Variants in GRIN3B observed in about 807,000 individuals in gnomAD.
GRIN3B encodes glutamate ionotropic receptor NMDA type subunit 3B.
In GRIN3B, 77 loss-of-function variants were observed where a neutral mutation model predicts 66.0. That is an observed-to-expected ratio of 1.17 (90% CI 0.97 to 1.41). The LOEUF is 1.41. Among genes scored for constraint, GRIN3B ranks in the 40% most tolerant of loss-of-function variants. The probability of loss-of-function intolerance (pLI) is 0.00; values close to 1 mark genes in which losing one functional copy is unlikely to be tolerated. For synonymous variants in GRIN3B, 823 were observed against 749.7 expected (o/e 1.10, Z -1.60); for missense variants, 1,787 against 1,564.5 (o/e 1.14, Z -2.40).
Position 1,003,647 on chromosome 19 carries a change from C to A in GRIN3B, c.944C>A (p.Ala315Asp). ...GCGGCCCAGGTGCAGCCGAAGCGAG[C>A]CCTCCTCCCCGCCCCGGTCAACTGC... The part of the protein sequence containing the change: ...GSAAQVQPKR[A>D]LLPAPVNCGD... The change falls in exon 2 of 9, where the codon GCC becomes GAC. Residue 315 changes from alanine to aspartate, a missense_variant. Transcript: ENST00000234389. 7.1e-7 allele frequency: 1 copy of A among 1,417,912 alleles called. No homozygotes were observed. The allele number at this position is 1,417,912 out of a possible 1,614,324, so 87.8% of individuals were successfully genotyped here.
In GRIN3B at chr19:1,004,732, G is replaced by A. The variant is rs1345522135; in HGVS notation, c.1231G>A (p.Ala411Thr). The change falls in exon 3 of 9, where the codon GCC (alanine) becomes ACC (threonine). Residue 411 changes from alanine to threonine, a missense_variant. By Grantham distance (58) the Ala-to-Thr change is moderately conservative. Transcript: ENST00000234389. ...TGCACGGCCCCCGCCCCCACAGGGT[G>A]CCCAGGTCTGGCCCAAGCTGCGTGT... is the stretch of plus-strand genomic sequence containing the variant. The part of the protein sequence containing the change: ...ASARPPPPQG[A>T]QVWPKLRVVT... 5.0e-6 allele frequency: 8 copies of A among 1,607,562 alleles called. No individual in the cohort carries two copies. Among genetic ancestry groups the A allele is most frequent in the South Asian group, 2.2e-5 (2 of 90,736 alleles).
intron 6 of GRIN3B, 124 bp from the exon 7 acceptor site, chr19:1,008,494 C>T (rs2038787479): frequency 8.3e-7 from 1 of 1,209,788 alleles, no homozygotes; most frequent in Non-Finnish European, 1.1e-6. Context: ...GAGTCCCTGC[C>T]TCCCAACCTG....
chr19:1,009,190 A>T lies in GRIN3B; in HGVS notation c.2720A>T (p.Gln907Leu). The change falls in exon 9 of 9, where the codon CAG becomes CTG. Residue 907 changes from glutamine (Q) to leucine (L), a missense_variant. Gln to Leu is a moderately radical substitution (Grantham distance 113). Coordinates refer to ENST00000234389, the MANE Select transcript of GRIN3B (RefSeq NM_138690.3). ...GTCCCCAGCGGCCCCGAGGTGGAGC[A>T]GCAGCAGCAGCAGCAGGACCAGCCA... Reference protein sequence around the residue: ...EAEPSGPEVEQQQQQQDQPTA... With the variant: ...EAEPSGPEVELQQQQQDQPTA... 1 of 1,404,896 alleles carries T rather than the reference A, an allele frequency of 7.1e-7. No homozygotes were observed. Among genetic ancestry groups the T allele is most frequent in the Non-Finnish European group, 9.3e-7 (1 of 1,078,904 alleles). 87.0% of individuals were successfully genotyped at this position (1,404,896 alleles called of 1,614,324 possible). A position where few individuals can be genotyped will look rare whatever the true frequency, so the allele number is the denominator to read the frequency against.
chr19:1,006,378 C>CAACA (rs2038749117), intron 3 of GRIN3B, among the ~76,000 whole-genome samples: 1 of 152,058 alleles, frequency 6.6e-6, no homozygotes, highest in Admixed American at 6.5e-5. Context: ...AACCCCTGAC[C>CAACA]TCGTGATCCG....
rs769335041 is a variant in GRIN3B at position 1,005,249 on chromosome 19, C to T, written c.1748C>T (p.Ala583Val). Residue 583 changes from alanine (A) to valine (V), a missense_variant, in exon 3 of 9, where the codon GCG becomes GTG. Physicochemically the swap from Ala to Val is moderately conservative, Grantham distance 64. Coordinates refer to ENST00000234389, the MANE Select transcript of GRIN3B (RefSeq NM_138690.3). This position sits in a 1 kb window ranked among gnomAD's most constrained non-coding sequence, Gnocchi z 5.2. ...LHWSTWLGVFAALHLTALFLT... is the reference protein window; with the variant it reads ...LHWSTWLGVFVALHLTALFLT... ...TGGTCCACGTGGCTGGGCGTCTTTG[C>T]GGCCCTGCACCTCACCGCGCTCTTC... The T allele has an allele frequency of 6.1e-5, 99 of 1,613,310 alleles. 1 individual carries two copies. The South Asian group carries it at 6.5e-4, about 11-fold the overall frequency.
chr19:1,000,869 C>A lies in GRIN3B; in HGVS notation c.426+6C>A. On this transcript the variant is annotated splice_donor_region_variant and intron_variant, in intron 1 of 8. Transcript: ENST00000234389. The stretch of plus-strand genomic sequence containing the variant: ...GCGCGCCCCTCGGAGCCCCGGTACG[C>A]GGGACGCCCGGAGTCAGGACGAGGG... 1 of 1,400,810 alleles carries A rather than the reference C, an allele frequency of 7.1e-7. No homozygotes were observed. The highest frequency in any genetic ancestry group is 1.5e-5 in the South Asian group (1 of 67,064). 86.8% of individuals were successfully genotyped at this position (1,400,810 alleles called of 1,614,324 possible). A position where few individuals can be genotyped will look rare whatever the true frequency, so the allele number is the denominator to read the frequency against.
Position 1,009,360 on chromosome 19 carries a change from T to A in GRIN3B, c.2890T>A (p.Cys964Ser), listed in dbSNP as rs1200102459. ...AAPREGPVWL[C>S]SYGRPPAARP... ...GCCGCGAGAGGGCCCCGTCTGGCTGTGCTCCTACGGCCGCCCGCCCGCCGC... is the reference window on the plus strand; with the variant it reads ...GCCGCGAGAGGGCCCCGTCTGGCTGAGCTCCTACGGCCGCCCGCCCGCCGC... The change falls in exon 9 of 9, where the codon TGC (cysteine) becomes AGC (serine). Residue 964 changes from cysteine to serine, a missense_variant. Transcript: ENST00000234389. 1 of 1,383,360 alleles carries A rather than the reference T, an allele frequency of 7.2e-7. No individual in the cohort carries two copies. The highest frequency in any genetic ancestry group is 9.3e-7 in the Non-Finnish European group (1 of 1,077,750). The allele number at this position is 1,383,360 out of a possible 1,614,324, so 85.7% of individuals were successfully genotyped here. A position where few individuals can be genotyped will look rare whatever the true frequency, so the allele number is the denominator to read the frequency against.
In GRIN3B at chr19:1,007,595, C is replaced by T; in HGVS notation, c.2053-33C>T. 1 of 1,456,072 alleles carries T rather than the reference C, an allele frequency of 6.9e-7. No homozygotes were observed. The allele number at this position is 1,456,072 out of a possible 1,614,324, so 90.2% of individuals were successfully genotyped here. ...CTCAATGGTCAGGGGTCCTGAGGGGCAGGCAGAGGCGCTGACGGGGTCCCC... is the reference window on the plus strand; with the variant it reads ...CTCAATGGTCAGGGGTCCTGAGGGGTAGGCAGAGGCGCTGACGGGGTCCCC... On this transcript the variant is annotated intron_variant, in intron 3 of 8. Transcript: ENST00000234389. The surrounding 1 kb of genome is among the most constrained non-coding windows in gnomAD (Gnocchi z 4.4).
rs1389512705 is a variant in GRIN3B at position 1,000,940 on chromosome 19, G to A, written c.426+77G>A. ...GTCGGGAGCCCTGGGGACGTCCGGA[G>A]TCAGGATGGGGGTGCCGGGACTACG... On this transcript the variant is annotated intron_variant, in intron 1 of 8. Transcript: ENST00000234389. 2.3e-6 allele frequency: 3 copies of A among 1,303,828 alleles called. No homozygotes were observed. In the African/African-American group the frequency reaches 4.7e-5, roughly 20 times the overall value. 80.8% of individuals were successfully genotyped at this position (1,303,828 alleles called of 1,614,324 possible).
In GRIN3B at chr19:1,000,749, C is replaced by T; in HGVS notation, c.312C>T (p.Leu104=). The change falls in exon 1 of 9, where the codon CTC becomes CTT. Residue 104 remains leucine, a synonymous_variant. Coordinates refer to ENST00000234389, the MANE Select transcript of GRIN3B (RefSeq NM_138690.3). Reference sequence around the variant, plus strand: ...TGCCTCCGGGCGTGGCGGCCCTGCTCGCCTTTCCCGAGGCTCGGCCCGAGC... The same window carrying T: ...TGCCTCCGGGCGTGGCGGCCCTGCTTGCCTTTCCCGAGGCTCGGCCCGAGC... The part of the protein sequence containing the change: ...ALVPPGVAAL[L]AFPEARPELL... 6.9e-7 allele frequency: 1 copy of T among 1,445,672 alleles called. No individual in the cohort carries two copies. The highest frequency in any genetic ancestry group is 3.0e-5 in the East Asian group (1 of 32,804). The allele number at this position is 1,445,672 out of a possible 1,614,324, so 89.6% of individuals were successfully genotyped here. A position where few individuals can be genotyped will look rare whatever the true frequency, so the allele number is the denominator to read the frequency against.
In GRIN3B at chr19:1,008,802, C is replaced by T. The variant is rs779976715; in HGVS notation, c.2631+20C>T. 6.3e-7 allele frequency: 1 copy of T among 1,586,012 alleles called. No homozygotes were observed. On this transcript the variant is annotated intron_variant, in intron 7 of 8. Coordinates refer to ENST00000234389, the MANE Select transcript of GRIN3B (RefSeq NM_138690.3). ...AGCCAGGTGGGGAGCGGGTGGGCGG[C>T]GGGCGGCCCCACCCCCCCCGCCTCC... is the stretch of plus-strand genomic sequence containing the variant.
chr19:1,008,989 C>T (rs2038801666), intron 8 of GRIN3B, 62 bp downstream of exon 8: 10 of 1,540,972 alleles, frequency 6.5e-6, no homozygotes, highest in Non-Finnish European at 7.9e-6. Context: ...CCCACCAGCT[C>T]GCCCCGAAGC....
chr19:1,001,431 C>T (rs1296948642), intron 1 of GRIN3B, among the ~76,000 whole-genome samples: 2 of 151,732 alleles, frequency 1.3e-5, no homozygotes, highest in Non-Finnish European at 1.5e-5. Context: ...TCCATTCCCA[C>T]CCCCCAACCC....
At position 1,004,499 on chromosome 19, in the gene GRIN3B, AC is replaced by A. The variant is rs752299560; in HGVS notation, c.1020-14del. On this transcript the variant is annotated intron_variant, in intron 2 of 8. Coordinates refer to ENST00000234389, the MANE Select transcript of GRIN3B (RefSeq NM_138690.3). ...AGGGGTGTGAACTTCGACACCTGAC[AC>A]CCCCCCCGCCCTGCCCCTAGGTTCC... 949 of 1,521,852 alleles carry A rather than the reference AC, an allele frequency of 6.2e-4. 1 individual carries two copies. The highest frequency in any genetic ancestry group is 1.2e-3 in the East Asian group (50 of 40,216). The allele number at this position is 1,521,852 out of a possible 1,614,324, so 94.3% of individuals were successfully genotyped here.
At position 1,007,056 on chromosome 19, in the gene GRIN3B, C is replaced by G. The variant is rs1284869343; in HGVS notation, c.2053-572C>G. Among the ~76,000 whole-genome samples the G allele has an allele frequency of 6.6e-6, 1 of 152,092 alleles. No homozygotes were observed. The highest frequency in any genetic ancestry group is 2.4e-5 in the African/African-American group (1 of 41,406). ...ACCCCGCAGAGGGGCCTGGGCTGGT[C>G]GAGGATGTTGATGGGGAAGGAGGCT... On this transcript the variant is annotated intron_variant, in intron 3 of 8. Coordinates refer to ENST00000234389, the MANE Select transcript of GRIN3B (RefSeq NM_138690.3). This position sits in a 1 kb window ranked among gnomAD's most constrained non-coding sequence, Gnocchi z 4.4.
At chr19:1,006,392 A>G (rs1186153700) in intron 3 of GRIN3B, among the ~76,000 whole-genome samples, 2 of 151,620 alleles carry the variant, frequency 1.3e-5, no homozygotes, top group African/African-American at 4.9e-5. Context: ...TGATCCGCCC[A>G]CCTCGGCCTC....
chr19:1,003,063 G>C, intron 1 of GRIN3B, 67 bp from the exon 2 acceptor site: 1 of 1,165,456 alleles, frequency 8.6e-7, no homozygotes, highest in South Asian at 1.8e-5. Flanking sequence ...ATCACCCGCT[G>C]CTGGGGTGGG....
Position 1,007,308 on chromosome 19 carries a change from A to G in GRIN3B, c.2053-320A>G, listed in dbSNP as rs957266111. Among the ~76,000 whole-genome samples, 2 of 151,592 alleles carry G rather than the reference A, an allele frequency of 1.3e-5. No individual in the cohort carries two copies. The highest frequency in any genetic ancestry group is 2.9e-5 in the Non-Finnish European group (2 of 67,876). On this transcript the variant is annotated intron_variant, in intron 3 of 8. Coordinates refer to ENST00000234389, the MANE Select transcript of GRIN3B (RefSeq NM_138690.3). This position sits in a 1 kb window ranked among gnomAD's most constrained non-coding sequence, Gnocchi z 4.4. ...GGCTCCCGTGGGACCCCCAGGGGAG[A>G]GGCAGAGGAGGTGGTGGGATAGGCG...
In GRIN3B at chr19:1,000,580, TCGCCCG is replaced by T. The variant is rs889167389; in HGVS notation, c.160_165del (p.Arg54_Ala55del). ...GGCGCCCTCCTGCCCCGCGCGCCTCTCGCCCGCGCCCGCGCCCGCGCCGCCCTGGCC... is the reference window on the plus strand; with the variant it reads ...GGCGCCCTCCTGCCCCGCGCGCCTCTCGCCCGCGCCCGCGCCGCCCTGGCC... On this transcript the variant is annotated inframe_deletion, in exon 1 of 9. Coordinates refer to ENST00000234389, the MANE Select transcript of GRIN3B (RefSeq NM_138690.3). The T allele has an allele frequency of 3.4e-5, 35 of 1,027,712 alleles. No individual in the cohort carries two copies. Among genetic ancestry groups the T allele is most frequent in the South Asian group, 4.4e-5 (1 of 22,582 alleles). 63.7% of individuals were successfully genotyped at this position (1,027,712 alleles called of 1,614,324 possible). A position where few individuals can be genotyped will look rare whatever the true frequency, so the allele number is the denominator to read the frequency against.
Sources: allele counts gnomAD v4.1 joint callset (sites outside exome capture counted in the v4.1 genomes callset), GRCh38; gene constraint gnomAD v4.1.1; non-coding constraint Gnocchi (gnomAD v3.1); transcripts MANE v1.5; gene names NCBI Gene and HGNC (gene_info 2026-07-23, HGNC 2026-07-21).